TMEM209: variants seen among roughly 807,000 people sequenced by gnomAD.
TMEM209 encodes the protein testicular tissue protein Li 202.
In TMEM209, 65 loss-of-function variants were observed where a neutral mutation model predicts 76.2. The ratio of observed to expected loss-of-function variants is 0.85; its 90% confidence interval spans 0.70 to 1.05. The LOEUF (loss-of-function observed/expected upper bound fraction) is 1.05. TMEM209 is among the 50% of genes least tolerant of loss of function. The pLI is 0.00. For synonymous variants in TMEM209, 239 were observed against 237.6 expected, an observed-to-expected ratio of 1.01 and a Z score of -0.06; for missense variants, 623 against 685.5, an observed-to-expected ratio of 0.91 and a Z score of 1.02.
At position 130,166,017 on chromosome 7, in the gene TMEM209, C is replaced by G. The variant is rs1796871803; in HGVS notation, c.*434G>C. 1 of 152,670 alleles carries G rather than the reference C, an allele frequency of 6.6e-6. No homozygotes were observed. Among genetic ancestry groups the G allele is most frequent in the South Asian group, 2.1e-4 (1 of 4,868 alleles). The allele number at this position is 152,670 out of a possible 1,614,324, so 9.5% of individuals were successfully genotyped here. On this transcript the variant is annotated 3_prime_UTR_variant, in exon 15 of 15. Transcript: ENST00000397622. ...AAGTTGTAGTGAGCTAAGATCGTGC[C>G]ACTGCACTCCAGTCTGCGTTGACAG... is the stretch of plus-strand genomic sequence containing the variant.
intron 5 of TMEM209, 82 bp downstream of exon 5, chr7:130,201,768 T>C: frequency 6.5e-7 from 1 of 1,542,008 alleles, no homozygotes; most frequent in Non-Finnish European, 8.8e-7. Flanking sequence ...TGCTCACTGA[T>C]AAGTTTTGAC....
chr7:130,177,331 C>T (rs1449695402), intron 10 of TMEM209, among the ~76,000 whole-genome samples: 1 of 140,630 alleles, frequency 7.1e-6, no homozygotes, highest in Non-Finnish European at 1.5e-5. Context: ...AGCCTGGCGA[C>T]AGAGAGAGAC....
Position 130,169,744 on chromosome 7 carries a change from T to C in TMEM209, c.1631+656A>G, listed in dbSNP as rs1001503647. 5.3e-5 allele frequency among the ~76,000 whole-genome samples: 8 copies of C among 152,216 alleles called. No individual in the cohort carries two copies. In the East Asian group the frequency reaches 1.4e-3, roughly 26 times the overall value. On this transcript the variant is annotated intron_variant, in intron 14 of 14. Coordinates refer to ENST00000397622, the MANE Select transcript of TMEM209 (RefSeq NM_032842.4). ...CTGCTCCAAGCCCATCCCCCCTTTT[T>C]TTTTTGCTAGCCTTAGGTTACTTAG...
At chr7:130,175,128 A>G (rs1460287073) in intron 11 of TMEM209, 1 of 160,720 alleles carries the variant, frequency 6.2e-6, no homozygotes, top group African/African-American at 2.4e-5. Context: ...ATAGGCAAAC[A>G]AAAACACATA....
intron 13 of TMEM209, among the ~76,000 whole-genome samples, chr7:130,172,169 T>C (rs1450312668): frequency 6.6e-6 from 1 of 152,104 alleles, no homozygotes; most frequent in African/African-American, 2.4e-5. Context: ...GTAAAGCACA[T>C]TAATGGAAGT....
chr7:130,184,293 G>A, intron 7 of TMEM209, 38 bp from the exon 8 acceptor site: 1 of 1,389,408 alleles, frequency 7.2e-7, no homozygotes, highest in Non-Finnish European at 9.9e-7. Flanking sequence ...AATCAGTGAG[G>A]AAAAATCTTG....
rs549973855 is a variant in TMEM209 at position 130,168,347 on chromosome 7, T to C, written c.1632-1842A>G. ...TCAAAGGAAATGCTCACTGTAGCAT[T>C]TGGGGGATTTTTAGATTAGGGATGC... On this transcript the variant is annotated intron_variant, in intron 14 of 14. Transcript: ENST00000397622. Among the ~76,000 whole-genome samples, 35 of 152,176 alleles carry C rather than the reference T, an allele frequency of 2.3e-4. 1 individual carries two copies. The highest frequency in any genetic ancestry group is 3.4e-4 in the Non-Finnish European group (23 of 68,024).
At chr7:130,185,825 A>G (rs1254469689) in intron 6 of TMEM209, among the ~76,000 whole-genome samples, 2 of 152,314 alleles carry the variant, frequency 1.3e-5, no homozygotes, top group East Asian at 3.9e-4. Context: ...TTGTCCCTGT[A>G]CTTCACTGTG....
intron 5 of TMEM209, among the ~76,000 whole-genome samples, chr7:130,194,233 G>C (rs1367220287): frequency 6.6e-6 from 1 of 151,286 alleles, no homozygotes; most frequent in East Asian, 1.9e-4. Flanking sequence ...ACTGTGAGGG[G>C]GTATACTGAT....
intron 13 of TMEM209, among the ~76,000 whole-genome samples, chr7:130,171,742 A>G (rs1304615030): frequency 5.3e-5 from 8 of 152,178 alleles, no homozygotes; most frequent in Non-Finnish European, 1.2e-4. Flanking sequence ...AATTAAGAGT[A>G]AAAAACCAGT....
chr7:130,201,942 C>T lies in TMEM209; in HGVS notation c.481G>A (p.Gly161Ser), dbSNP rs1251821547. 1.2e-6 allele frequency: 2 copies of T among 1,613,772 alleles called. No homozygotes were observed. The highest frequency in any genetic ancestry group is 4.5e-5 in the East Asian group (2 of 44,882). ...AGACCTTGCAGCTGAGGGCTGTAACCAGTCATACAGCTGGTGGTGAACTTG... is the reference window on the plus strand; with the variant it reads ...AGACCTTGCAGCTGAGGGCTGTAACTAGTCATACAGCTGGTGGTGAACTTG... Reference protein sequence around the residue: ...SPKFTTSCMTGYSPQLQGLSS... With the variant: ...SPKFTTSCMTSYSPQLQGLSS... The change falls in exon 5 of 15, where the codon GGT (glycine) becomes AGT (serine). Residue 161 changes from glycine (G) to serine (S), a missense_variant. Physicochemically the swap from Gly to Ser is moderately conservative, Grantham distance 56 (BLOSUM62 0). Coordinates refer to ENST00000397622, the MANE Select transcript of TMEM209 (RefSeq NM_032842.4).
chr7:130,185,879 A>T (rs910430844), intron 6 of TMEM209, among the ~76,000 whole-genome samples: 1 of 152,172 alleles, frequency 6.6e-6, no homozygotes, highest in East Asian at 1.9e-4. Flanking sequence ...GTACTAAAAG[A>T]CTATCTGATG....
At chr7:130,171,905 C>T (rs1057254655) in intron 13 of TMEM209, among the ~76,000 whole-genome samples, 6 of 152,124 alleles carry the variant, frequency 3.9e-5, no homozygotes, top group African/African-American at 9.6e-5. Context: ...TGGTGGCACG[C>T]GCCTGTAGTC....
rs1343046541 is a variant in TMEM209 at position 130,166,421 on chromosome 7, T to C, written c.*30A>G. On this transcript the variant is annotated 3_prime_UTR_variant, in exon 15 of 15. Transcript: ENST00000397622. ...TTCGACTTCTGGTTCAGTGAAATAG[T>C]CTAAATGTCAGAATTAAATATATGA... 1 of 1,524,650 alleles carries C rather than the reference T, an allele frequency of 6.6e-7. No individual in the cohort carries two copies. The highest frequency in any genetic ancestry group is 8.8e-7 in the Non-Finnish European group (1 of 1,134,426). The allele number at this position is 1,524,650 out of a possible 1,614,324, so 94.4% of individuals were successfully genotyped here. A position where few individuals can be genotyped will look rare whatever the true frequency, so the allele number is the denominator to read the frequency against.
At chr7:130,166,959 A>G (rs1463991670) in intron 14 of TMEM209, among the ~76,000 whole-genome samples, 3 of 152,282 alleles carry the variant, frequency 2.0e-5, no homozygotes, top group Non-Finnish European at 4.4e-5. Flanking sequence ...ATCCTACTAC[A>G]TATAACAACA....
chr7:130,202,737 A>G (rs1798263389), intron 3 of TMEM209, 74 bp from the exon 4 acceptor site: 1 of 1,437,382 alleles, frequency 7.0e-7, no homozygotes, highest in Admixed American at 2.5e-5. Context: ...AACCCTCTAT[A>G]CTTAGCAAAC....
intron 5 of TMEM209, among the ~76,000 whole-genome samples, chr7:130,196,604 T>C (rs1432710453): frequency 2.0e-5 from 3 of 152,136 alleles, no homozygotes; most frequent in African/African-American, 7.2e-5. Flanking sequence ...GTAATTAACC[T>C]AAGTGAGGTC....
intron 5 of TMEM209, among the ~76,000 whole-genome samples, chr7:130,199,287 G>A (rs1032227194): frequency 6.6e-6 from 1 of 151,406 alleles, no homozygotes; most frequent in Non-Finnish European, 1.5e-5. Flanking sequence ...GAGCCATCTC[G>A]GCTCACTGAA....
chr7:130,179,257 A>G (rs747688048), intron 9 of TMEM209, among the ~76,000 whole-genome samples: 10 of 152,148 alleles, frequency 6.6e-5, no homozygotes, highest in Non-Finnish European at 1.0e-4. Flanking sequence ...GAAAGAAAGC[A>G]TTTTAATTTG....
Sources: gnomAD v4.1 joint callset for allele counts (sites outside exome capture counted in the v4.1 genomes callset) on GRCh38, gnomAD v4.1.1 for gene constraint, MANE v1.5 for transcripts, NCBI Gene and HGNC (gene_info 2026-07-23, HGNC 2026-07-21) for gene names.